The following CSMD1 variants were observed in gnomAD, a reference collection of about 807,000 sequenced individuals.
CSMD1 encodes the protein CUB and sushi domain-containing protein 1.
CSMD1 carries 213 observed loss-of-function variants against 417.5 expected under a neutral mutation model. That is an observed-to-expected ratio of 0.51 (90% confidence interval 0.46 to 0.57). CSMD1 has a LOEUF of 0.57. Ranked by LOEUF, CSMD1 falls within the 20% of genes least tolerant of loss-of-function variation. The pLI is 0.00. For missense variants in CSMD1, 6,923 were observed against 4,529.7 expected (o/e 1.53, Z -15.17); for synonymous variants, 2,862 against 1,736.8 (o/e 1.65, Z -16.11).
chr8:4,323,116 T>G (rs544192542), intron 3 of CSMD1, among the ~76,000 whole-genome samples: 9 of 152,358 alleles, frequency 5.9e-5, no homozygotes, highest in African/African-American at 2.2e-4. Context: ...TAATGAGACA[T>G]TAATTGGTGG....
At chr8:4,415,450 A>T (rs1343518743) in intron 3 of CSMD1, among the ~76,000 whole-genome samples, 7 of 147,514 alleles carry the variant, frequency 4.7e-5, no homozygotes, top group Non-Finnish European at 1.1e-4. Context: ...CACGCTCTTC[A>T]GGTCGTGGCC....
chr8:4,411,118 T>G (rs1430595544), intron 3 of CSMD1, among the ~76,000 whole-genome samples: 2 of 152,096 alleles, frequency 1.3e-5, no homozygotes, highest in African/African-American at 4.8e-5. Context: ...ATCTTCAATC[T>G]CCCAACCTCC....
chr8:4,669,772 G>A (rs917948451), intron 1 of CSMD1, among the ~76,000 whole-genome samples: 1 of 152,072 alleles, frequency 6.6e-6, no homozygotes, highest in Non-Finnish European at 1.5e-5. Context: ...AGGGGGTACT[G>A]CAAATATTTT....
chr8:4,180,160 A>G (rs570848088), intron 3 of CSMD1, among the ~76,000 whole-genome samples: 1 of 152,164 alleles, frequency 6.6e-6, no homozygotes, highest in Admixed American at 6.5e-5. Context: ...CACGACAGCA[A>G]AGACTTGGAA....
At chr8:3,425,166 C>T (rs1047477829) in intron 12 of CSMD1, among the ~76,000 whole-genome samples, 1 of 152,166 alleles carries the variant, frequency 6.6e-6, no homozygotes, top group Non-Finnish European at 1.5e-5. Flanking sequence ...TGTGTCTAGC[C>T]TGTCAATTAA....
At chr8:4,667,398 G>A (rs752108919) in intron 1 of CSMD1, among the ~76,000 whole-genome samples, 1 of 151,456 alleles carries the variant, frequency 6.6e-6, no homozygotes, top group Non-Finnish European at 1.5e-5. Context: ...AATGCCTGCT[G>A]ATATTTTGAT....
At position 3,885,997 on chromosome 8, in the gene CSMD1, G is replaced by GTA. The variant is rs1563178004; in HGVS notation, c.818+111905_818+111906insTA. 5.3e-5 allele frequency among the ~76,000 whole-genome samples: 8 copies of GTA among 151,298 alleles called. No homozygotes were observed. In the East Asian group the frequency reaches 7.7e-4, roughly 15 times the overall value. ...ATATTGATTCAAATTATATATATAT[G>GTA]TGTACATATATATGTGTACATATAT... On this transcript the variant is annotated intron_variant, in intron 5 of 69. Coordinates refer to ENST00000635120, the MANE Select transcript of CSMD1 (RefSeq NM_033225.6).
At chr8:3,454,727 T>C (rs1240498315) in intron 12 of CSMD1, among the ~76,000 whole-genome samples, 1 of 152,212 alleles carries the variant, frequency 6.6e-6, no homozygotes, top group East Asian at 1.9e-4. Context: ...CCGACCTTTC[T>C]CTCTGCCTGC....
At chr8:4,424,508 G>T (rs1797433271) in intron 2 of CSMD1, among the ~76,000 whole-genome samples, 1 of 151,904 alleles carries the variant, frequency 6.6e-6, no homozygotes, top group Non-Finnish European at 1.5e-5. Flanking sequence ...TGATATTTCA[G>T]CCAATCAGAA....
At chr8:3,494,442 G>C (rs889604861) in intron 10 of CSMD1, among the ~76,000 whole-genome samples, 1 of 152,102 alleles carries the variant, frequency 6.6e-6, no homozygotes, top group Non-Finnish European at 1.5e-5. Context: ...AGAACCCTGG[G>C]TAGTAAGGAG....
intron 5 of CSMD1, among the ~76,000 whole-genome samples, chr8:3,796,914 T>G (rs1465911083): frequency 5.9e-5 from 9 of 151,904 alleles, no homozygotes; most frequent in African/African-American, 2.2e-4. Context: ...CAACTCATTA[T>G]AGCCTAATGA....
rs189977026 is a variant in CSMD1 at position 3,249,711 on chromosome 8, C to G, written c.4154-19480G>C. On this transcript the variant is annotated intron_variant, in intron 26 of 69. Transcript: ENST00000635120. ...TTTTGAGTGAAAAAGAAATAATAGA[C>G]ATTTATAATAAGCTCCAAGAAGCAA... Among the ~76,000 whole-genome samples, 333 of 152,128 alleles carry G rather than the reference C, an allele frequency of 2.2e-3. 1 individual carries two copies. The highest frequency in any genetic ancestry group is 0.02 in the South Asian group (94 of 4,820).
chr8:4,213,105 G>A (rs547241184), intron 3 of CSMD1, among the ~76,000 whole-genome samples: 21 of 152,222 alleles, frequency 1.4e-4, no homozygotes, highest in African/African-American at 5.1e-4. Flanking sequence ...GCTTCACCCA[G>A]TGGAGCATGC....
chr8:4,075,560 T>G (rs1799777422), intron 3 of CSMD1, among the ~76,000 whole-genome samples: 2 of 152,218 alleles, frequency 1.3e-5, no homozygotes, highest in African/African-American at 4.8e-5. Context: ...ATGTAACTGG[T>G]AAAATATTAA....
At chr8:3,126,466 A>C (rs748139934) in intron 41 of CSMD1, among the ~76,000 whole-genome samples, 1 of 152,164 alleles carries the variant, frequency 6.6e-6, no homozygotes, top group Non-Finnish European at 1.5e-5. Context: ...ATCAAGGTGT[A>C]CACTGAAGAC....
Position 3,396,299 on chromosome 8 carries a change from C to T in CSMD1, c.2488G>A (p.Gly830Ser), listed in dbSNP as rs776627843. The change falls in exon 17 of 70, where the codon GGC (glycine) becomes AGC (serine). Residue 830 changes from glycine to serine, a missense_variant. Gly to Ser is a moderately conservative substitution (Grantham distance 56). Transcript: ENST00000635120. The part of the protein sequence containing the change: ...SSSPLIGEYH[G>S]TQAPQFLIST... ...ATGAGGAACTGGGGTGCCTGGGTGCCGTGGTACTCGCCGATCAGTGGGGAC... is the reference window on the plus strand; with the variant it reads ...ATGAGGAACTGGGGTGCCTGGGTGCTGTGGTACTCGCCGATCAGTGGGGAC... The T allele has an allele frequency of 2.5e-6, 4 of 1,605,170 alleles. No individual in the cohort carries two copies. The highest frequency in any genetic ancestry group is 3.4e-5 in the Admixed American group (2 of 58,908).
chr8:4,384,543 T>G (rs892626307), intron 3 of CSMD1, among the ~76,000 whole-genome samples: 1 of 152,206 alleles, frequency 6.6e-6, no homozygotes, highest in Non-Finnish European at 1.5e-5. Flanking sequence ...CTTTATGAAG[T>G]CCTACCCCTG....
At chr8:4,922,698 T>A (rs540853140) in intron 1 of CSMD1, among the ~76,000 whole-genome samples, 1 of 152,276 alleles carries the variant, frequency 6.6e-6, no homozygotes, top group East Asian at 1.9e-4. Flanking sequence ...GACCTTCAGA[T>A]GACAGACCAG....
At chr8:3,850,498 C>T (rs774163442) in intron 5 of CSMD1, among the ~76,000 whole-genome samples, 4 of 152,028 alleles carry the variant, frequency 2.6e-5, no homozygotes, top group African/African-American at 7.2e-5. Flanking sequence ...AGTTCAAGAC[C>T]GGCTTGGCCA....
Sources: gnomAD v4.1 joint callset for allele counts (sites outside exome capture counted in the v4.1 genomes callset) on GRCh38, gnomAD v4.1.1 for gene constraint, MANE v1.5 for transcripts, NCBI Gene and HGNC (gene_info 2026-07-23, HGNC 2026-07-21) for gene names.